Variants in MCM3AP observed in about 807,000 individuals in gnomAD.
MCM3AP encodes germinal-center associated nuclear protein.
MCM3AP carries 126 observed loss-of-function variants against 184.1 expected under a neutral mutation model. That is an observed-to-expected ratio of 0.68 (90% confidence interval 0.59 to 0.79). The LOEUF (loss-of-function observed/expected upper bound fraction) is 0.79, where lower values mean the gene tolerates loss of function less well. MCM3AP is among the 30% of genes least tolerant of loss of function. The pLI, the probability that MCM3AP is intolerant of heterozygous loss-of-function variation, is 0.00. For synonymous variants in MCM3AP, 1,002 were observed against 979.3 expected (o/e 1.02, Z -0.43); for missense variants, 2,496 against 2,479.2 (o/e 1.01, Z -0.14).
chr21:46,283,282 T>C (rs1354122636), intron 2 of MCM3AP, among the ~76,000 whole-genome samples: 1 of 152,092 alleles, frequency 6.6e-6, no homozygotes, highest in Non-Finnish European at 1.5e-5. Context: ...TATGACCAAA[T>C]AAAACAAAAA....
chr21:46,277,633 G>A lies in MCM3AP; in HGVS notation c.1752C>T (p.Gly584=). Residue 584 remains glycine, a synonymous_variant, in exon 5 of 28, where the codon GGC becomes GGT. Coordinates refer to ENST00000291688, the MANE Select transcript of MCM3AP (RefSeq NM_003906.5). ...TGAGGGAGAGCACACATGGCCCGAG[G>A]CCCTCGGAGCCCTCGGAGGCTGAGT... ...SFDSASEGSE[G]LGPCVLSLST... 6.2e-7 allele frequency: 1 copy of A among 1,611,630 alleles called. No individual in the cohort carries two copies. The highest frequency in any genetic ancestry group is 8.5e-7 in the Non-Finnish European group (1 of 1,178,908).
chr21:46,269,516 C>A (rs1031454455), intron 9 of MCM3AP, among the ~76,000 whole-genome samples: 4 of 152,192 alleles, frequency 2.6e-5, no homozygotes, highest in Non-Finnish European at 2.9e-5. Flanking sequence ...AGGAGCAAAC[C>A]TGCAAAAGAC....
rs780936885 is a variant in MCM3AP at position 46,240,828 on chromosome 21, C to A, written c.5616G>T (p.Glu1872Asp). The A allele has an allele frequency of 6.2e-7, 1 of 1,614,116 alleles. No homozygotes were observed. Among genetic ancestry groups the A allele is most frequent in the East Asian group, 2.2e-5 (1 of 44,880 alleles). ...GGCTTCACCTCTTGTTCTCTTCTTT[C>A]TCCAGCAGCAGACTGCTCGACAAAC... ...AQCLSSSLLL[E>D]KEENKRFEDQ... Residue 1872 changes from glutamate to aspartate, a missense_variant, in exon 26 of 28, where the codon GAG (glutamate) becomes GAT (aspartate). By Grantham distance (45) the Glu-to-Asp change is conservative. Transcript: ENST00000291688.
intron 7 of MCM3AP, 26 bp from the exon 8 acceptor site, chr21:46,272,855 A>C: frequency 6.5e-7 from 1 of 1,542,204 alleles, no homozygotes; most frequent in Non-Finnish European, 8.7e-7. Context: ...GGGGAGGATC[A>C]CACACACATT....
intron 12 of MCM3AP, among the ~76,000 whole-genome samples, chr21:46,264,881 G>C (rs780663634): frequency 2.0e-5 from 3 of 150,790 alleles, no homozygotes; most frequent in African/African-American, 2.4e-5. Flanking sequence ...CCCAACCCCA[G>C]GACATGCCCT....
In MCM3AP at chr21:46,267,005, G is replaced by A. The variant is rs1281735553; in HGVS notation, c.2766C>T (p.Cys922=). Residue 922 remains cysteine, a synonymous_variant, in exon 10 of 28, where the codon TGC becomes TGT. Coordinates refer to ENST00000291688, the MANE Select transcript of MCM3AP (RefSeq NM_003906.5). ...DCEEATDFLT[C]HGLTVSDGCV... The stretch of plus-strand genomic sequence containing the variant: ...ACCCGTCGGAAACGGTGAGGCCGTG[G>A]CAGGTGAGGAAGTCGGTGGCCTCTT... 2 of 1,614,218 alleles carry A rather than the reference G, an allele frequency of 1.2e-6. No homozygotes were observed. The highest frequency in any genetic ancestry group is 8.5e-7 in the Non-Finnish European group (1 of 1,180,052).
chr21:46,245,284 C>T, intron 22 of MCM3AP, 87 bp from the exon 23 acceptor site: 1 of 1,303,736 alleles, frequency 7.7e-7, no homozygotes, highest in East Asian at 2.3e-5. Context: ...CCAAGGTTGC[C>T]CACAGCAGGT....
Position 46,283,695 on chromosome 21 carries a change from G to A in MCM3AP, c.1363C>T (p.His455Tyr), listed in dbSNP as rs780326863. The part of the protein sequence containing the change: ...YLNDRTILEN[H>Y]FGKIAKVQRI... Reference sequence around the variant, plus strand: ...TGCACTTTAGCAATTTTGCCAAAATGGTTCTCCAGAATGGTCCTGTCGTTG... The same window carrying A: ...TGCACTTTAGCAATTTTGCCAAAATAGTTCTCCAGAATGGTCCTGTCGTTG... Residue 455 changes from histidine to tyrosine, a missense_variant, in exon 2 of 28, where the codon CAT (histidine) becomes TAT (tyrosine). Physicochemically the swap from His to Tyr is moderately conservative, Grantham distance 83. Around this residue, in one of 5 missense-constraint regions of MCM3AP, gnomAD observed 800 missense variants for 717.1 expected, o/e 1.12. Transcript: ENST00000291688. 1 of 1,614,200 alleles carries A rather than the reference G, an allele frequency of 6.2e-7. No individual in the cohort carries two copies. The highest frequency in any genetic ancestry group is 1.7e-5 in the Admixed American group (1 of 60,022).
In MCM3AP at chr21:46,275,402, T is replaced by TA. The variant is rs1210078101; in HGVS notation, c.1859-78dup. 4.0e-6 allele frequency: 5 copies of TA among 1,255,514 alleles called. No individual in the cohort carries two copies. The African/African-American group carries it at 7.7e-5, about 19-fold the overall frequency. 77.8% of individuals were successfully genotyped at this position (1,255,514 alleles called of 1,614,324 possible). A position where few individuals can be genotyped will look rare whatever the true frequency, so the allele number is the denominator to read the frequency against. On this transcript the variant is annotated intron_variant, in intron 5 of 27. Transcript: ENST00000291688. ...CTACAGAAGTGTATTCTCATAATGA[T>TA]AAAAAGAAATTAAAACTTAAAACAC...
At chr21:46,283,909 A>T in intron 1 of MCM3AP, 71 bp from the exon 2 acceptor site, 2 of 1,551,290 alleles carry the variant, frequency 1.3e-6, no homozygotes, top group South Asian at 2.4e-5. Flanking sequence ...ACTGTGTCGA[A>T]GCAGAGGAAA....
chr21:46,280,001 C>A lies in MCM3AP; in HGVS notation c.1659G>T (p.Leu553=). ...AAGRTGASSL[L]NKSSPVKKPS... is the part of the protein sequence containing the mutation. ...GGAGGGACCGATCCCACCTTTTATT[C>A]AGGAGGCTGCTAGCACCAGTCCTCC... is the stretch of plus-strand genomic sequence containing the variant. The change falls in exon 4 of 28, where the codon CTG becomes CTT. Residue 553 remains leucine (L), a synonymous_variant. Coordinates refer to ENST00000291688, the MANE Select transcript of MCM3AP (RefSeq NM_003906.5). 1 of 1,611,232 alleles carries A rather than the reference C, an allele frequency of 6.2e-7. No homozygotes were observed. The highest frequency in any genetic ancestry group is 8.5e-7 in the Non-Finnish European group (1 of 1,179,086).
Position 46,280,113 on chromosome 21 carries a change from AG to A in MCM3AP, c.1546del (p.Leu516Ter). ...ACCGTCACCTGGTTTCTTCTCCTTC[AG>A]GGAAAAGGGTTTCTTATTGGGGCCT... ...KISPNKKPFS[L>X]KEKKPGDGEV... On this transcript the variant is annotated frameshift_variant, in exon 4 of 28. Coordinates refer to ENST00000291688, the MANE Select transcript of MCM3AP (RefSeq NM_003906.5). LOFTEE classifies it high-confidence loss of function. 1 of 1,614,188 alleles carries A rather than the reference AG, an allele frequency of 6.2e-7. No individual in the cohort carries two copies.
In MCM3AP at chr21:46,271,164, A is replaced by AT. The variant is rs889506309; in HGVS notation, c.2466-602dup. Reference sequence around the variant, plus strand: ...ACAGCAATCTTTCATAACCAGTTTAATTTTTTTTTTTTTTGAGACAGAGTA... The same window carrying AT: ...ACAGCAATCTTTCATAACCAGTTTAATTTTTTTTTTTTTTTGAGACAGAGTA... On this transcript the variant is annotated intron_variant, in intron 8 of 27. Transcript: ENST00000291688. Among the ~76,000 whole-genome samples, 975 of 145,280 alleles carry AT rather than the reference A, an allele frequency of 6.7e-3. 3 individuals carry two copies. Among genetic ancestry groups the AT allele is most frequent in the Middle Eastern group, 0.01 (3 of 288 alleles).
rs1005028092 is a variant in MCM3AP, at chr21:46,282,025, C to T, written c.1444-1450G>A. On this transcript the variant is annotated intron_variant, in intron 2 of 27. Coordinates refer to ENST00000291688, the MANE Select transcript of MCM3AP (RefSeq NM_003906.5). ...AAACAACAACAACAAAAATGAGAGC[C>T]GGTACAATGACTCAGGTCTGTAATC... is the stretch of plus-strand genomic sequence containing the variant. 3.3e-5 allele frequency among the ~76,000 whole-genome samples: 5 copies of T among 152,054 alleles called. No homozygotes were observed. The East Asian group carries it at 7.7e-4, about 24-fold the overall frequency.
At chr21:46,255,472 G>A (rs2080936735) in intron 17 of MCM3AP, among the ~76,000 whole-genome samples, 1 of 152,090 alleles carries the variant, frequency 6.6e-6, no homozygotes. Flanking sequence ...GTGGAAGCTG[G>A]CAGACAGGTG....
At chr21:46,266,844 G>C (rs2081118468) in intron 10 of MCM3AP, 138 bp downstream of exon 10, 1 of 912,088 alleles carries the variant, frequency 1.1e-6, no homozygotes, top group African/African-American at 1.7e-5. Context: ...GCCATTCTGA[G>C]TCTCGTGTGT....
At position 46,270,640 on chromosome 21, in the gene MCM3AP, AAAT is replaced by A. The variant is rs371730432; in HGVS notation, c.2466-80_2466-78del. The A allele has an allele frequency of 7.8e-4, 991 of 1,278,138 alleles. 5 individuals are homozygous for A. The African/African-American group carries it at 0.012, about 15-fold the overall frequency. The allele number at this position is 1,278,138 out of a possible 1,614,324, so 79.2% of individuals were successfully genotyped here. A position where few individuals can be genotyped will look rare whatever the true frequency, so the allele number is the denominator to read the frequency against. On this transcript the variant is annotated intron_variant, in intron 8 of 27. Coordinates refer to ENST00000291688, the MANE Select transcript of MCM3AP (RefSeq NM_003906.5). Reference sequence around the variant, plus strand: ...AAATTTTCATGAAGATAGATCTGATAAATAATAGATTTCACTGGCCAGATGCAG... The same window carrying A: ...AAATTTTCATGAAGATAGATCTGATAAATAGATTTCACTGGCCAGATGCAG...
chr21:46,242,657 G>A (rs2080687996), intron 25 of MCM3AP, 145 bp downstream of exon 25: 1 of 727,728 alleles, frequency 1.4e-6, no homozygotes, highest in Admixed American at 3.1e-5. Flanking sequence ...AGTTTCTACT[G>A]CATGGGAATG....
rs200330265 is a variant in MCM3AP at position 46,264,174 on chromosome 21, T to C, written c.3278A>G (p.Gln1093Arg). The C allele has an allele frequency of 1.2e-6, 2 of 1,613,894 alleles. No homozygotes were observed. Among genetic ancestry groups the C allele is most frequent in the East Asian group, 4.5e-5 (2 of 44,878 alleles). ...VVDELIQEAL[Q>R]RDCEEVGSAG... ...AGAGCCAACTTCCTCACAGTCCCTC[T>C]GCAGGGCCTCCTGGATGAGCTCGTC... The change falls in exon 13 of 28, where the codon CAG (glutamine) becomes CGG (arginine). Residue 1093 changes from glutamine to arginine, a missense_variant. Around this residue, in one of 5 missense-constraint regions of MCM3AP, gnomAD observed 1,323 missense variants for 1,273.4 expected, o/e 1.04. Transcript: ENST00000291688.
Sources: gnomAD v4.1 joint callset for allele counts (sites outside exome capture counted in the v4.1 genomes callset) on GRCh38, gnomAD v4.1.1 for gene constraint, gnomAD v4.1.1 regional missense constraint, MANE v1.5 for transcripts, NCBI Gene and HGNC (gene_info 2026-07-23, HGNC 2026-07-21) for gene names.